The following FSHR variants were observed in gnomAD, a reference collection of about 807,000 sequenced individuals.
The protein encoded by FSHR is follicle stimulating hormone receptor.
FSHR carries 46 observed loss-of-function variants against 52.1 expected under a neutral mutation model. The observed-to-expected ratio is 0.88, with a 90% confidence interval of 0.70 to 1.13. The LOEUF is 1.13. FSHR is among the 50% of genes most tolerant of loss of function. The pLI is 0.00. For synonymous variants in FSHR, 399 were observed against 309.6 expected (o/e 1.29, Z -3.03); for missense variants, 964 against 834.6 (o/e 1.16, Z -1.91).
intron 1 of FSHR, among the ~76,000 whole-genome samples, chr2:49,106,584 A>T (rs1241988951): frequency 6.6e-6 from 1 of 152,202 alleles, no homozygotes; most frequent in African/African-American, 2.4e-5. Context: ...CTTTACTTTT[A>T]TACCATGTAA....
intron 8 of FSHR, among the ~76,000 whole-genome samples, chr2:48,973,694 C>T (rs1181954119): frequency 6.6e-6 from 1 of 152,180 alleles, no homozygotes; most frequent in Non-Finnish European, 1.5e-5. Flanking sequence ...GCATTCTCAG[C>T]GGTGCCTTTC....
intron 4 of FSHR, among the ~76,000 whole-genome samples, chr2:49,010,890 T>C (rs1667244686): frequency 6.6e-6 from 1 of 152,192 alleles, no homozygotes; most frequent in South Asian, 2.1e-4. Flanking sequence ...TTTATCATTT[T>C]TTATTGCATC....
intron 8 of FSHR, among the ~76,000 whole-genome samples, chr2:48,975,460 C>G (rs1305874763): frequency 6.6e-6 from 1 of 152,170 alleles, no homozygotes; most frequent in Non-Finnish European, 1.5e-5. Flanking sequence ...ATGTCTGTCT[C>G]CTTGTTGACA....
At chr2:49,087,070 GTT>G (rs56890721) in intron 1 of FSHR, among the ~76,000 whole-genome samples, 14 of 86,726 alleles carry the variant, frequency 1.6e-4, no homozygotes, top group East Asian at 8.6e-4. Context: ...TGTGGGCAGG[GTT>G]TTTTTTTTTT....
At chr2:49,098,495 A>G (rs1468242495) in intron 1 of FSHR, among the ~76,000 whole-genome samples, 1 of 151,952 alleles carries the variant, frequency 6.6e-6, no homozygotes, top group African/African-American at 2.4e-5. Context: ...ATGAAAAAAG[A>G]CATTTAAAGT....
At chr2:49,010,719 C>T (rs770105452) in intron 4 of FSHR, among the ~76,000 whole-genome samples, 1 of 152,112 alleles carries the variant, frequency 6.6e-6, no homozygotes, top group Non-Finnish European at 1.5e-5. Flanking sequence ...TGTTATTGGT[C>T]TATTCAGAGA....
chr2:49,007,507 T>TA (rs1289804266), intron 4 of FSHR, among the ~76,000 whole-genome samples: 1 of 152,150 alleles, frequency 6.6e-6, no homozygotes, highest in Non-Finnish European at 1.5e-5. Context: ...AAAATAAACA[T>TA]AAAAGGCAGG....
At chr2:49,086,408 A>G (rs1670393660) in intron 1 of FSHR, among the ~76,000 whole-genome samples, 2 of 152,202 alleles carry the variant, frequency 1.3e-5, no homozygotes, top group Admixed American at 1.3e-4. Context: ...TATAAATGGC[A>G]TAAGTTGTCA....
At chr2:49,110,033 C>A (rs1332075566) in intron 1 of FSHR, among the ~76,000 whole-genome samples, 2 of 152,006 alleles carry the variant, frequency 1.3e-5, no homozygotes, top group Non-Finnish European at 2.9e-5. Flanking sequence ...AAGAAGAGTG[C>A]ATTTGGGAGC....
intron 8 of FSHR, among the ~76,000 whole-genome samples, chr2:48,969,875 C>A (rs1449536012): frequency 6.6e-6 from 1 of 152,194 alleles, no homozygotes; most frequent in Non-Finnish European, 1.5e-5. Context: ...CCAAGACCGG[C>A]TGGTGAGAAC....
chr2:48,982,983 A>G lies in FSHR; in HGVS notation c.597T>C (p.Asn199=). The change falls in exon 8 of 10, where the codon AAT becomes AAC. Residue 199 remains asparagine, a synonymous_variant. Transcript: ENST00000406846. The part of the protein sequence containing the change: ...AFNGTQLDEL[N]LSDNNNLEEL... ...CTTCTAAATTATTATTATCGCTTAG[A>G]TTCCTGGGGATGGGGTTGAGGAAAG... 2 of 1,613,942 alleles carry G rather than the reference A, an allele frequency of 1.2e-6. No homozygotes were observed. Among genetic ancestry groups the G allele is most frequent in the Non-Finnish European group, 1.7e-6 (2 of 1,179,802 alleles).
chr2:49,018,168 C>T (rs1358958280), intron 3 of FSHR, among the ~76,000 whole-genome samples: 2 of 152,170 alleles, frequency 1.3e-5, no homozygotes, highest in African/African-American at 4.8e-5. Context: ...CATACAGTAG[C>T]TGGGAATGGC....
chr2:48,986,220 G>T (rs1375417863), intron 6 of FSHR, among the ~76,000 whole-genome samples: 1 of 152,002 alleles, frequency 6.6e-6, no homozygotes, highest in Admixed American at 6.6e-5. Context: ...TGAACATATG[G>T]TATTTGGTTT....
At chr2:49,063,212 A>G (rs1184291870) in intron 2 of FSHR, among the ~76,000 whole-genome samples, 3 of 152,120 alleles carry the variant, frequency 2.0e-5, no homozygotes. Context: ...CCCTGGCTTG[A>G]GAAAATCATA....
intron 4 of FSHR, among the ~76,000 whole-genome samples, chr2:49,014,412 C>G (rs1208749389): frequency 1.3e-5 from 2 of 152,092 alleles, no homozygotes; most frequent in African/African-American, 4.8e-5. Context: ...GGAGGATGGA[C>G]TTAGTGGCAG....
chr2:49,114,811 A>G (rs1025712570), intron 1 of FSHR, among the ~76,000 whole-genome samples: 5 of 152,124 alleles, frequency 3.3e-5, no homozygotes, highest in Admixed American at 3.3e-4. Flanking sequence ...GGAGGGGACA[A>G]TAAAAGCTTA....
At chr2:49,101,346 T>C (rs778940361) in intron 1 of FSHR, among the ~76,000 whole-genome samples, 9 of 151,932 alleles carry the variant, frequency 5.9e-5, no homozygotes, top group Non-Finnish European at 4.4e-5. Context: ...TATAATAGGG[T>C]GGAGTCCCTC....
intron 8 of FSHR, among the ~76,000 whole-genome samples, chr2:48,978,552 A>G (rs1476975298): frequency 6.6e-6 from 1 of 152,256 alleles, no homozygotes; most frequent in East Asian, 1.9e-4. Context: ...CAGCCTGCAA[A>G]GGCAATGCAT....
At chr2:49,077,299 C>T (rs1270799845) in intron 1 of FSHR, among the ~76,000 whole-genome samples, 1 of 152,250 alleles carries the variant, frequency 6.6e-6, no homozygotes, top group Non-Finnish European at 1.5e-5. Flanking sequence ...GCTGCCAAGG[C>T]TTGGGGCTTG....
Sources: allele counts gnomAD v4.1 joint callset (sites outside exome capture counted in the v4.1 genomes callset), GRCh38; gene constraint gnomAD v4.1.1; transcripts MANE v1.5; gene names NCBI Gene and HGNC (gene_info 2026-07-23, HGNC 2026-07-21).